CSGALNACT1: variants seen among roughly 807,000 people sequenced by gnomAD.
CSGALNACT1 encodes chondroitin sulfate N-acetylgalactosaminyltransferase 1, also known as beta4GalNAcT-1.
A neutral mutation model predicts 51.0 loss-of-function variants in CSGALNACT1; 52 were observed. The observed-to-expected ratio is 1.02, with a 90% CI of 0.82 to 1.29. The LOEUF is 1.29. CSGALNACT1 is among the 50% of genes most tolerant of loss of function. The pLI is 0.00. For missense variants in CSGALNACT1, 935 were observed against 679.2 expected (o/e 1.38, Z -4.19); for synonymous variants, 341 against 254.4 (o/e 1.34, Z -3.24).
intron 1 of CSGALNACT1, among the ~76,000 whole-genome samples, chr8:19,655,862 G>C (rs1004475369): frequency 5.9e-5 from 9 of 152,124 alleles, no homozygotes. Context: ...CTGGTAATAG[G>C]AGACTTAAAA....
At chr8:19,484,966 G>C (rs547465745) in intron 4 of CSGALNACT1, among the ~76,000 whole-genome samples, 1 of 152,040 alleles carries the variant, frequency 6.6e-6, no homozygotes, top group Non-Finnish European at 1.5e-5. Context: ...GCCAAGGAGA[G>C]AGCCCTCCGA....
chr8:19,565,256 A>G (rs577192423), intron 3 of CSGALNACT1, among the ~76,000 whole-genome samples: 110 of 152,320 alleles, frequency 7.2e-4, no homozygotes, highest in African/African-American at 2.5e-3. Context: ...AAAAAACACC[A>G]TAGAAAAAAA....
intron 3 of CSGALNACT1, among the ~76,000 whole-genome samples, chr8:19,527,804 A>G (rs557252421): frequency 6.6e-5 from 10 of 152,166 alleles, no homozygotes; most frequent in Non-Finnish European, 1.2e-4. Flanking sequence ...GTGTGGGCTT[A>G]GACAAGTTAA....
At chr8:19,600,095 A>ATTCG (rs1230381085) in intron 2 of CSGALNACT1, among the ~76,000 whole-genome samples, 9 of 152,082 alleles carry the variant, frequency 5.9e-5, no homozygotes, top group African/African-American at 1.7e-4. Flanking sequence ...TCATTCATTC[A>ATTCG]TTCATTTAGA....
intron 3 of CSGALNACT1, among the ~76,000 whole-genome samples, chr8:19,528,847 C>G (rs902307140): frequency 6.6e-6 from 1 of 152,150 alleles, no homozygotes; most frequent in Non-Finnish European, 1.5e-5. Flanking sequence ...ATAAAGATAT[C>G]AAACCCCTAG....
chr8:19,418,406 T>C (rs1450433676), intron 8 of CSGALNACT1, among the ~76,000 whole-genome samples: 1 of 152,194 alleles, frequency 6.6e-6, no homozygotes, highest in Non-Finnish European at 1.5e-5. Context: ...AAACCAGTGA[T>C]GGAAACTATG....
intron 1 of CSGALNACT1, among the ~76,000 whole-genome samples, chr8:19,674,788 C>A (rs1160190372): frequency 1.3e-5 from 2 of 151,992 alleles, no homozygotes; most frequent in Non-Finnish European, 2.9e-5. Context: ...GAGAAATGAT[C>A]CCCTGGAAAC....
intron 3 of CSGALNACT1, among the ~76,000 whole-genome samples, chr8:19,537,161 C>G (rs1189848099): frequency 6.6e-6 from 1 of 152,154 alleles, no homozygotes; most frequent in Non-Finnish European, 1.5e-5. Flanking sequence ...GAAACTAGCT[C>G]TGGAAAACAA....
chr8:19,450,584 A>T (rs528313876), intron 5 of CSGALNACT1, among the ~76,000 whole-genome samples: 1 of 152,270 alleles, frequency 6.6e-6, no homozygotes, highest in South Asian at 2.1e-4. Flanking sequence ...AGTTCCAGGC[A>T]TTTGATTTCC....
rs35971700 is a variant in CSGALNACT1 at position 19,405,930 on chromosome 8, G to A, written c.1449C>T (p.Asp483=). 0.066 allele frequency: 106,096 copies of A among 1,614,034 alleles called. 3,765 individuals carry two copies. The highest frequency in any genetic ancestry group is 0.11 in the Middle Eastern group (663 of 6,062). ...TCTTGTACTGCTCGGGGGTCAGCTC[G>A]TCCATGCAGCGCTTCTCATGCCAGA... The change falls in exon 10 of 10, where the codon GAC becomes GAT. Residue 483 remains aspartate, a synonymous_variant. Coordinates refer to ENST00000454498, the Ensembl canonical transcript of CSGALNACT1.
chr8:19,488,923 G>C (rs1191808919), intron 4 of CSGALNACT1, among the ~76,000 whole-genome samples: 2 of 151,976 alleles, frequency 1.3e-5, no homozygotes, highest in African/African-American at 4.8e-5. Context: ...CAGAATACAG[G>C]GTTTTCATTT....
At chr8:19,499,584 G>A (rs1213955544) in intron 4 of CSGALNACT1, among the ~76,000 whole-genome samples, 3 of 152,166 alleles carry the variant, frequency 2.0e-5, no homozygotes, top group Non-Finnish European at 2.9e-5. Flanking sequence ...TTCTGCAATT[G>A]CAACAAAATG....
At chr8:19,627,777 G>C (rs2054637252) in intron 1 of CSGALNACT1, among the ~76,000 whole-genome samples, 1 of 152,158 alleles carries the variant, frequency 6.6e-6, no homozygotes, top group Non-Finnish European at 1.5e-5. Context: ...GTGAGCTATG[G>C]TTACACCACT....
chr8:19,753,682 T>C (rs1402327194), intron 1 of CSGALNACT1, among the ~76,000 whole-genome samples: 1 of 152,156 alleles, frequency 6.6e-6, no homozygotes, highest in African/African-American at 2.4e-5. Context: ...TAATTTTACT[T>C]ACAGATTAAA....
chr8:19,596,770 C>T (rs1328219171), intron 2 of CSGALNACT1, among the ~76,000 whole-genome samples: 2 of 152,178 alleles, frequency 1.3e-5, no homozygotes, highest in East Asian at 3.9e-4. Flanking sequence ...ATTATTTTTA[C>T]TTTTAAAGGA....
intron 4 of CSGALNACT1, among the ~76,000 whole-genome samples, chr8:19,482,343 A>T (rs1047529794): frequency 1.3e-5 from 2 of 152,210 alleles, no homozygotes; most frequent in African/African-American, 2.4e-5. Flanking sequence ...TGTGCTGGAC[A>T]GTGCCGTTTT....
At chr8:19,675,537 G>A (rs1210752979) in intron 1 of CSGALNACT1, among the ~76,000 whole-genome samples, 1 of 152,030 alleles carries the variant, frequency 6.6e-6, no homozygotes, top group African/African-American at 2.4e-5. Context: ...CACCAAGGCT[G>A]GAGTGAGTAC....
Position 19,635,821 on chromosome 8 carries a change from G to A in CSGALNACT1, c.-543-33956C>T, listed in dbSNP as rs145293189. 7.0e-3 allele frequency among the ~76,000 whole-genome samples: 1,071 copies of A among 152,170 alleles called. 5 individuals are homozygous for A. The highest frequency in any genetic ancestry group is 0.015 in the African/African-American group (626 of 41,518). ...CCGTTCATTGCAACCTCTGCCTCCC[G>A]GGTTCAAGCAATTCTCCTGCCTCGG... On this transcript the variant is annotated intron_variant, in intron 1 of 9. Coordinates refer to the CSGALNACT1 transcript ENST00000332246.
chr8:19,615,135 C>G (rs1460658715), intron 1 of CSGALNACT1, among the ~76,000 whole-genome samples: 1 of 152,114 alleles, frequency 6.6e-6, no homozygotes, highest in Non-Finnish European at 1.5e-5. Context: ...GAAACCCCAT[C>G]CCTCCTAAAA....
Sources: allele counts gnomAD v4.1 joint callset (sites outside exome capture counted in the v4.1 genomes callset), GRCh38; gene constraint gnomAD v4.1.1; transcripts MANE v1.5; gene names NCBI Gene and HGNC (gene_info 2026-07-23, HGNC 2026-07-21).